The following RBFOX1 variants were observed in gnomAD, a reference collection of about 807,000 sequenced individuals.
RBFOX1 encodes the protein RNA binding protein fox-1 homolog 1.
A neutral mutation model predicts 57.7 loss-of-function variants in RBFOX1; 8 were observed. That is an observed-to-expected ratio of 0.14 (90% CI 0.08 to 0.25). The LOEUF is 0.25. RBFOX1 is among the 10% of genes least tolerant of loss of function. The pLI is 1.00. For missense variants in RBFOX1, 611 were observed against 548.5 expected (o/e 1.11, Z -1.14); for synonymous variants, 326 against 222.4 (o/e 1.47, Z -4.15).
intron 2 of RBFOX1, among the ~76,000 whole-genome samples, chr16:6,642,758 C>G (rs755033463): frequency 6.6e-6 from 1 of 152,106 alleles, no homozygotes; most frequent in Non-Finnish European, 1.5e-5. Context: ...GGCTTTACAG[C>G]TTTTTCCTGC....
At chr16:6,732,402 C>T (rs2345487) in intron 3 of RBFOX1, among the ~76,000 whole-genome samples, 1 of 152,200 alleles carries the variant, frequency 6.6e-6, no homozygotes, top group Admixed American at 6.5e-5. Context: ...AGGCAGGTGA[C>T]CTCTCTGGCC....
At chr16:7,586,371 C>T (rs963625859) in intron 6 of RBFOX1, among the ~76,000 whole-genome samples, 1 of 152,162 alleles carries the variant, frequency 6.6e-6, no homozygotes, top group African/African-American at 2.4e-5. Flanking sequence ...CCCATACTTC[C>T]TGTTTTGAAA....
Position 6,248,566 on chromosome 16 carries a change from G to A in RBFOX1, c.-126-68429G>A, listed in dbSNP as rs142358964. On this transcript the variant is annotated intron_variant, in intron 1 of 15. Coordinates refer to ENST00000550418, the MANE Select transcript of RBFOX1 (RefSeq NM_018723.4). Reference sequence around the variant, plus strand: ...TCAAGAGAGAAGGGGGAAGATCCCCGAGGGATGCAAATTGGGGAGGGTTTT... The same window carrying A: ...TCAAGAGAGAAGGGGGAAGATCCCCAAGGGATGCAAATTGGGGAGGGTTTT... Among the ~76,000 whole-genome samples, 174 of 152,274 alleles carry A rather than the reference G, an allele frequency of 1.1e-3. No individual in the cohort carries two copies. The East Asian group carries it at 0.031, about 27-fold the overall frequency.
intron 14 of RBFOX1, among the ~76,000 whole-genome samples, chr16:7,692,839 T>C (rs2077649418): frequency 1.3e-5 from 2 of 152,264 alleles, no homozygotes; most frequent in African/African-American, 4.8e-5. Context: ...TTATTATCCA[T>C]AACACATCAC....
chr16:6,956,546 C>T lies in RBFOX1; in HGVS notation c.-15-95511C>T, dbSNP rs78143186. On this transcript the variant is annotated intron_variant, in intron 3 of 15. Transcript: ENST00000550418. The stretch of plus-strand genomic sequence containing the variant: ...GGAAGGAGAATTGAAACCTAAGGGC[C>T]AGTGGGGGCAGTTGTACCTCTTGCC... 5.0e-4 allele frequency among the ~76,000 whole-genome samples: 76 copies of T among 152,190 alleles called. No individual in the cohort carries two copies. The East Asian group carries it at 0.014, about 27-fold the overall frequency.
chr16:6,702,095 A>T (rs2061942405), intron 3 of RBFOX1, among the ~76,000 whole-genome samples: 1 of 152,166 alleles, frequency 6.6e-6, no homozygotes, highest in South Asian at 2.1e-4. Context: ...TGAATCTAAA[A>T]TAAAAGTTTA....
intron 4 of RBFOX1, among the ~76,000 whole-genome samples, chr16:7,112,322 A>T (rs1163191783): frequency 6.6e-6 from 1 of 150,526 alleles, no homozygotes; most frequent in Non-Finnish European, 1.5e-5. Context: ...CCAGCCTCAG[A>T]CTCCAAAGTA....
intron 1 of RBFOX1, among the ~76,000 whole-genome samples, chr16:6,249,900 T>C (rs1169577429): frequency 1.3e-5 from 2 of 151,980 alleles, no homozygotes; most frequent in African/African-American, 2.4e-5. Context: ...ACATTAGGTA[T>C]ATCTCCAACT....
At chr16:6,018,693 A>T (rs769814790), upstream of RBFOX1, among the ~76,000 whole-genome samples, 1 of 152,154 alleles carries the variant, frequency 6.6e-6, no homozygotes. Flanking sequence ...AAACTTCCTC[A>T]GAGAAGAAAT....
chr16:5,486,503 A>T (rs1361531996), intron 2 of RBFOX1, among the ~76,000 whole-genome samples: 1 of 152,196 alleles, frequency 6.6e-6, no homozygotes, highest in Non-Finnish European at 1.5e-5. Context: ...GGGAAGCCGG[A>T]TGGAAGAAGG....
intron 4 of RBFOX1, among the ~76,000 whole-genome samples, chr16:7,089,971 G>C (rs992428814): frequency 2.0e-5 from 3 of 151,788 alleles, no homozygotes; most frequent in Non-Finnish European, 4.4e-5. Context: ...TGTTTAAGGA[G>C]ATATGAATTA....
intron 1 of RBFOX1, among the ~76,000 whole-genome samples, chr16:6,199,003 T>A (rs1183320197): frequency 6.6e-6 from 1 of 152,068 alleles, no homozygotes; most frequent in East Asian, 1.9e-4. Context: ...ATCTCTCTGA[T>A]AGAATATATA....
chr16:7,190,761 T>A (rs192690208), intron 4 of RBFOX1, among the ~76,000 whole-genome samples: 2 of 152,326 alleles, frequency 1.3e-5, no homozygotes, highest in East Asian at 3.9e-4. Flanking sequence ...AGCAAGTTTT[T>A]AATTCGGGTT....
At chr16:7,055,345 A>G (rs2051782670) in intron 4 of RBFOX1, among the ~76,000 whole-genome samples, 1 of 152,180 alleles carries the variant, frequency 6.6e-6, no homozygotes, top group Non-Finnish European at 1.5e-5. Flanking sequence ...GAGTTATGGA[A>G]AAGCTAAGAG....
chr16:7,568,704 T>G (rs2092409735), intron 5 of RBFOX1, among the ~76,000 whole-genome samples: 2 of 151,460 alleles, frequency 1.3e-5, no homozygotes, highest in African/African-American at 4.9e-5. Flanking sequence ...GCTAACATGG[T>G]GAAACCCCGA....
chr16:7,459,158 T>G (rs2059093306), intron 4 of RBFOX1, among the ~76,000 whole-genome samples: 1 of 152,084 alleles, frequency 6.6e-6, no homozygotes, highest in Non-Finnish European at 1.5e-5. Context: ...GGTAGATGTA[T>G]GGACTGAATA....
At chr16:5,978,231 T>C (rs2060106246) in intron 4 of RBFOX1, among the ~76,000 whole-genome samples, 1 of 147,510 alleles carries the variant, frequency 6.8e-6, no homozygotes, top group Non-Finnish European at 1.5e-5. Context: ...GGAGGATCAC[T>C]TGCACCCTGG....
At chr16:5,935,491 T>C (rs533913608) in intron 4 of RBFOX1, among the ~76,000 whole-genome samples, 16 of 152,250 alleles carry the variant, frequency 1.1e-4, no homozygotes, top group African/African-American at 1.7e-4. Flanking sequence ...CTGTTCCTAA[T>C]TGGTACCTGG....
At position 7,711,346 on chromosome 16, in the gene RBFOX1, C is replaced by T. The variant is rs1367704166; in HGVS notation, c.*601C>T. The stretch of plus-strand genomic sequence containing the variant: ...CAAAGGTCATGTTGTTAAGGGGGTG[C>T]TTCTAGTAGCACTTGTGCATCTGAG... On this transcript the variant is annotated 3_prime_UTR_variant, in exon 16 of 16. Transcript: ENST00000550418. The T allele has an allele frequency of 1.3e-5, 2 of 152,494 alleles. No individual in the cohort carries two copies. The highest frequency in any genetic ancestry group is 4.8e-5 in the African/African-American group (2 of 41,410). 9.4% of individuals were successfully genotyped at this position (152,494 alleles called of 1,614,324 possible). A position where few individuals can be genotyped will look rare whatever the true frequency, so the allele number is the denominator to read the frequency against.
Sources: gnomAD v4.1 joint callset for allele counts (sites outside exome capture counted in the v4.1 genomes callset) on GRCh38, gnomAD v4.1.1 for gene constraint, MANE v1.5 for transcripts, NCBI Gene and HGNC (gene_info 2026-07-23, HGNC 2026-07-21) for gene names.